Variants in OSBPL6 observed in about 807,000 individuals in gnomAD.
The protein encoded by OSBPL6 is oxysterol-binding protein-related protein 6.
A neutral mutation model predicts 125.8 loss-of-function variants in OSBPL6; 49 were observed. The ratio of observed to expected loss-of-function variants is 0.39; its 90% CI spans 0.31 to 0.49. OSBPL6 has a LOEUF of 0.49. Ranked by LOEUF, OSBPL6 falls within the 20% of genes least tolerant of loss-of-function variation. The pLI, the probability that OSBPL6 is intolerant of heterozygous loss-of-function variation, is 0.88. For synonymous variants in OSBPL6, 394 were observed against 391.8 expected, an observed-to-expected ratio of 1.01 and a Z score of -0.07; for missense variants, 986 against 1,135.4, an observed-to-expected ratio of 0.87 and a Z score of 1.89.
At chr2:178,284,803 T>C (rs1386056117) in intron 1 of OSBPL6, 124 bp from the exon 2 acceptor site, 1 of 376,284 alleles carries the variant, frequency 2.7e-6, no homozygotes, top group African/African-American at 2.1e-5. Context: ...CATGTACCCA[T>C]ATGAACTTCC....
At chr2:178,193,911 C>A (rs1349623137), upstream of OSBPL6, among the ~76,000 whole-genome samples, 2 of 152,190 alleles carry the variant, frequency 1.3e-5, no homozygotes, top group African/African-American at 4.8e-5. Flanking sequence ...CCGAGCGAGT[C>A]AGGGACGGGA....
chr2:178,251,257 A>C (rs900173055), intron 1 of OSBPL6, among the ~76,000 whole-genome samples: 2 of 152,130 alleles, frequency 1.3e-5, no homozygotes, highest in Admixed American at 6.5e-5. Flanking sequence ...CCTAATCAGG[A>C]CTGAAGCCTT....
At chr2:178,330,614 A>G (rs964030096) in intron 5 of OSBPL6, among the ~76,000 whole-genome samples, 1 of 152,186 alleles carries the variant, frequency 6.6e-6, no homozygotes, top group Non-Finnish European at 1.5e-5. Flanking sequence ...TGCAGAACTC[A>G]CAGAAGGCCA....
At chr2:178,201,036 T>C (rs181274312) in intron 1 of OSBPL6, among the ~76,000 whole-genome samples, 10 of 152,134 alleles carry the variant, frequency 6.6e-5, no homozygotes, top group East Asian at 1.9e-4. Flanking sequence ...CCTTGTGATC[T>C]GCCCACCTCA....
At position 178,336,312 on chromosome 2, in the gene OSBPL6, C is replaced by T; in HGVS notation, c.669C>T (p.Asn223=). 6.2e-7 allele frequency: 1 copy of T among 1,613,746 alleles called. No individual in the cohort carries two copies. The highest frequency in any genetic ancestry group is 8.5e-7 in the Non-Finnish European group (1 of 1,179,842). ...VSVMDGKMQP[N]SFPWQSPLPC... is the part of the protein sequence containing the mutation. ...TTTGTTTGCCGTAGATGCAACCAAA[C>T]AGCTTTCCGTGGCAGTCCCCTTTAC... is the stretch of plus-strand genomic sequence containing the variant. Residue 223 remains asparagine (N), a synonymous_variant, in exon 9 of 25, where the codon AAC becomes AAT. Coordinates refer to ENST00000190611, the MANE Select transcript of OSBPL6 (RefSeq NM_032523.4).
At position 178,234,468 on chromosome 2, in the gene OSBPL6, A is replaced by G. The variant is rs1468169741; in HGVS notation, c.-351+39794A>G. Among the ~76,000 whole-genome samples the G allele has an allele frequency of 2.0e-5, 3 of 152,184 alleles. No individual in the cohort carries two copies. In the East Asian group the frequency reaches 5.8e-4, roughly 29 times the overall value. On this transcript the variant is annotated intron_variant, in intron 1 of 24. Transcript: ENST00000190611. ...ACTTTTTGTTTTAAGATAATTATAGATTCACAGGAAGTTGCCCAAAAATGT... is the reference window on the plus strand; with the variant it reads ...ACTTTTTGTTTTAAGATAATTATAGGTTCACAGGAAGTTGCCCAAAAATGT...
intron 7 of OSBPL6, 32 bp from the exon 8 acceptor site, chr2:178,332,839 C>T (rs761495798): frequency 6.2e-7 from 1 of 1,608,270 alleles, no homozygotes; most frequent in Non-Finnish European, 8.5e-7. Context: ...AGTTATTTTA[C>T]AATTACTTTC....
intron 12 of OSBPL6, among the ~76,000 whole-genome samples, chr2:178,358,420 A>T (rs1334349879): frequency 6.6e-6 from 1 of 152,164 alleles, no homozygotes; most frequent in African/African-American, 2.4e-5. Flanking sequence ...TCTGGAACAG[A>T]AAAGAGAGCC....
chr2:178,231,797 C>T (rs1259117345), intron 1 of OSBPL6, among the ~76,000 whole-genome samples: 1 of 152,000 alleles, frequency 6.6e-6, no homozygotes, highest in Non-Finnish European at 1.5e-5. Context: ...TAGAAGTGCA[C>T]TGCTGTGTCC....
intron 2 of OSBPL6, 72 bp downstream of exon 2, chr2:178,285,193 A>G: frequency 2.5e-6 from 1 of 396,808 alleles, no homozygotes; most frequent in Non-Finnish European, 4.4e-6. Flanking sequence ...ATAGCAACAG[A>G]TTAGTGGGAC....
chr2:178,215,687 G>A (rs939183896), intron 1 of OSBPL6, among the ~76,000 whole-genome samples: 3 of 152,036 alleles, frequency 2.0e-5, no homozygotes, highest in African/African-American at 4.8e-5. Context: ...AGGGAAGGGA[G>A]GGAGAGTGTT....
At chr2:178,342,392 A>G (rs576636342) in intron 11 of OSBPL6, among the ~76,000 whole-genome samples, 1 of 152,332 alleles carries the variant, frequency 6.6e-6, no homozygotes, top group East Asian at 1.9e-4. Flanking sequence ...CATTAAAAAA[A>G]TTGACCGCAA....
At chr2:178,239,874 G>A (rs1325276292) in intron 1 of OSBPL6, among the ~76,000 whole-genome samples, 3 of 151,890 alleles carry the variant, frequency 2.0e-5, no homozygotes, top group Admixed American at 6.6e-5. Flanking sequence ...TGATCCACCC[G>A]CCTCGGCCTC....
intron 15 of OSBPL6, among the ~76,000 whole-genome samples, chr2:178,381,507 C>A (rs1485056979): frequency 6.6e-6 from 1 of 152,162 alleles, no homozygotes; most frequent in African/African-American, 2.4e-5. Flanking sequence ...GCGCATGCCA[C>A]CACACCCGGC....
At chr2:178,333,803 A>C (rs569124133) in intron 8 of OSBPL6, among the ~76,000 whole-genome samples, 94 of 152,344 alleles carry the variant, frequency 6.2e-4, no homozygotes, top group African/African-American at 2.1e-3. Flanking sequence ...ATGTGAGCTC[A>C]AGAATGTGAC....
At chr2:178,242,510 C>A (rs972607336) in intron 1 of OSBPL6, among the ~76,000 whole-genome samples, 1 of 152,124 alleles carries the variant, frequency 6.6e-6, no homozygotes, top group African/African-American at 2.4e-5. Flanking sequence ...TATTGCCCTG[C>A]CAAGAGTCAA....
At chr2:178,371,558 TAA>T (rs1276752722) in intron 13 of OSBPL6, among the ~76,000 whole-genome samples, 1 of 152,184 alleles carries the variant, frequency 6.6e-6, no homozygotes, top group African/African-American at 2.4e-5. Flanking sequence ...TGTTTGCACT[TAA>T]GTTAGTTCTG....
intron 1 of OSBPL6, among the ~76,000 whole-genome samples, chr2:178,278,355 C>A (rs1197240669): frequency 6.6e-6 from 1 of 152,134 alleles, no homozygotes; most frequent in Non-Finnish European, 1.5e-5. Context: ...GGGCAAGAGC[C>A]TGGTTTTTGT....
At chr2:178,259,915 G>C (rs937779443) in intron 1 of OSBPL6, among the ~76,000 whole-genome samples, 5 of 152,164 alleles carry the variant, frequency 3.3e-5, no homozygotes, top group Admixed American at 1.3e-4. Flanking sequence ...TGGGTGATCT[G>C]TTTCCCTATG....
Sources: gnomAD v4.1 joint callset for allele counts (sites outside exome capture counted in the v4.1 genomes callset) on GRCh38, gnomAD v4.1.1 for gene constraint, MANE v1.5 for transcripts, NCBI Gene and HGNC (gene_info 2026-07-23, HGNC 2026-07-21) for gene names.